The following USH2A variants were observed in gnomAD, a reference collection of about 807,000 sequenced individuals.
USH2A encodes usherin, also known as Usher syndrome 2A (autosomal recessive, mild).
In USH2A, 443 loss-of-function variants were observed where a neutral mutation model predicts 538.9. The observed-to-expected ratio is 0.82, with a 90% CI of 0.76 to 0.89. USH2A has a LOEUF of 0.89. Ranked by LOEUF, USH2A falls within the 40% of genes least tolerant of loss-of-function variation. The pLI is 0.00. For missense variants in USH2A, 6,633 were observed against 6,324.8 expected, an observed-to-expected ratio of 1.05 and a Z score of -1.65; for synonymous variants, 2,413 against 2,273.5, an observed-to-expected ratio of 1.06 and a Z score of -1.75.
chr1:215,998,807 G>A, intron 34 of USH2A, 80 bp downstream of exon 34: 1 of 1,482,064 alleles, frequency 6.7e-7, no homozygotes, highest in Admixed American at 1.7e-5. Context: ...TTAAGTGAGA[G>A]AGAAAGAAAA....
chr1:216,399,153 A>T (rs1415125632), intron 3 of USH2A, among the ~76,000 whole-genome samples: 1 of 152,176 alleles, frequency 6.6e-6, no homozygotes, highest in Non-Finnish European at 1.5e-5. Flanking sequence ...GCAGGGCCCC[A>T]GTCAGGAGCT....
intron 47 of USH2A, among the ~76,000 whole-genome samples, chr1:215,836,488 T>TTATATATATTA (rs1663504416): frequency 4.8e-5 from 1 of 20,810 alleles, no homozygotes; most frequent in African/African-American, 1.4e-4. Context: ...ATAATATATA[T>TTATATATATTA]TATATATATA....
intron 21 of USH2A, among the ~76,000 whole-genome samples, chr1:216,110,408 G>T (rs888898343): frequency 7.2e-5 from 11 of 152,080 alleles, no homozygotes; most frequent in African/African-American, 2.7e-4. Flanking sequence ...ATGGATTAAT[G>T]AAAGGAAGAA....
chr1:216,104,110 A>G (rs897745877), intron 21 of USH2A, among the ~76,000 whole-genome samples: 2 of 151,842 alleles, frequency 1.3e-5, no homozygotes, highest in African/African-American at 4.8e-5. Flanking sequence ...GTACATGTGC[A>G]CAACGTGCAG....
chr1:215,840,479 C>A (rs1010865336), intron 46 of USH2A, among the ~76,000 whole-genome samples: 1 of 152,042 alleles, frequency 6.6e-6, no homozygotes, highest in Non-Finnish European at 1.5e-5. Context: ...TAACAAAATT[C>A]TATTATTGGA....
chr1:216,087,600 T>C (rs986480885), intron 23 of USH2A, among the ~76,000 whole-genome samples: 15 of 152,030 alleles, frequency 9.9e-5, no homozygotes, highest in Admixed American at 3.3e-4. Flanking sequence ...AATACGTAAA[T>C]GAATGGGTGT....
intron 7 of USH2A, 37 bp from the exon 8 acceptor site, chr1:216,323,732 T>C: frequency 6.2e-7 from 1 of 1,604,896 alleles, no homozygotes; most frequent in African/African-American, 1.3e-5. Context: ...TGAAAATCTA[T>C]TCACATTTTT....
intron 58 of USH2A, among the ~76,000 whole-genome samples, chr1:215,754,266 TGTTATCA>T (rs1312810926): frequency 6.6e-6 from 1 of 152,208 alleles, no homozygotes; most frequent in African/African-American, 2.4e-5. Context: ...ACACGACATT[TGTTATCA>T]GTATCACGGG....
At chr1:215,785,274 G>A (rs1661766564) in intron 52 of USH2A, among the ~76,000 whole-genome samples, 1 of 152,138 alleles carries the variant, frequency 6.6e-6, no homozygotes, top group South Asian at 2.1e-4. Context: ...AAAGAATCTT[G>A]ACCTAGGCCT....
At chr1:216,012,687 T>A (rs919467164) in intron 32 of USH2A, among the ~76,000 whole-genome samples, 16 of 152,174 alleles carry the variant, frequency 1.1e-4, no homozygotes, top group Non-Finnish European at 5.9e-5. Context: ...AAAGGTCTTT[T>A]AAAAACACAC....
intron 36 of USH2A, among the ~76,000 whole-genome samples, chr1:215,967,956 T>A (rs1667395760): frequency 6.6e-6 from 1 of 152,122 alleles, no homozygotes; most frequent in Non-Finnish European, 1.5e-5. Flanking sequence ...AGTCATAAAA[T>A]TCTCAATCTT....
chr1:216,257,514 G>C (rs1460319898), intron 11 of USH2A, among the ~76,000 whole-genome samples: 10 of 151,802 alleles, frequency 6.6e-5, no homozygotes, highest in Non-Finnish European at 1.5e-4. Context: ...TATGCCTTTT[G>C]TGATTTCCTT....
At chr1:216,300,380 AATTAT>A (rs767794996) in intron 9 of USH2A, among the ~76,000 whole-genome samples, 31 of 152,174 alleles carry the variant, frequency 2.0e-4, no homozygotes, top group Admixed American at 2.6e-4. Context: ...TGAATGCCCA[AATTAT>A]GAGATTAGAC....
chr1:216,157,863 C>T lies in USH2A; in HGVS notation c.4627+17389G>A, dbSNP rs947957195. On this transcript the variant is annotated intron_variant, in intron 21 of 71. Coordinates refer to ENST00000307340, the MANE Select transcript of USH2A (RefSeq NM_206933.4). ...TATTGGATACCACGCTCACTACTTG[C>T]GTAATGGAACCCATAGCCCAAACGT... Among the ~76,000 whole-genome samples the T allele has an allele frequency of 2.6e-5, 4 of 152,196 alleles. No individual in the cohort carries two copies. The South Asian group carries it at 6.2e-4, about 24-fold the overall frequency.
chr1:215,651,254 T>C (rs1176886430), intron 64 of USH2A, among the ~76,000 whole-genome samples: 1 of 152,242 alleles, frequency 6.6e-6, no homozygotes, highest in Non-Finnish European at 1.5e-5. Context: ...TGGAACGATG[T>C]ATAATCTTAT....
At chr1:216,233,908 C>A (rs1007347657) in intron 13 of USH2A, among the ~76,000 whole-genome samples, 7 of 151,866 alleles carry the variant, frequency 4.6e-5, no homozygotes, top group Non-Finnish European at 1.0e-4. Context: ...ATGCACAGAC[C>A]CATGGGTACA....
rs534620762 is a variant in USH2A, at chr1:215,956,396, C to A, written c.7120+8921G>T. ...GTATTTTTAAATGCTTTAAAAATTT[C>A]TCTAAATAGGAGAATTTTATTTTAT... On this transcript the variant is annotated intron_variant, in intron 37 of 71. Transcript: ENST00000307340. 5.9e-5 allele frequency among the ~76,000 whole-genome samples: 9 copies of A among 152,224 alleles called. No individual in the cohort carries two copies. The East Asian group carries it at 1.7e-3, about 29-fold the overall frequency.
At chr1:215,846,091 A>T (rs1169116778) in intron 44 of USH2A, 58 bp from the exon 45 acceptor site, 47 of 1,532,652 alleles carry the variant, frequency 3.1e-5, no homozygotes, top group Non-Finnish European at 4.2e-5. Flanking sequence ...GGGGAAAAAA[A>T]AAATTCTATC....
At chr1:216,273,239 T>A (rs1008270552) in intron 11 of USH2A, among the ~76,000 whole-genome samples, 3 of 152,010 alleles carry the variant, frequency 2.0e-5, no homozygotes, top group African/African-American at 7.2e-5. Context: ...AATGGGCGAC[T>A]GAAAATAGAA....
Sources: allele counts gnomAD v4.1 joint callset (sites outside exome capture counted in the v4.1 genomes callset), GRCh38; gene constraint gnomAD v4.1.1; transcripts MANE v1.5; gene names NCBI Gene and HGNC (gene_info 2026-07-23, HGNC 2026-07-21).